ACTR3C: variants seen among roughly 807,000 people sequenced by gnomAD.
The protein encoded by ACTR3C is actin-related protein 3C.
ACTR3C carries 18 observed loss-of-function variants against 26.3 expected under a neutral mutation model. The observed-to-expected ratio is 0.68, with a 90% confidence interval of 0.47 to 1.01. The LOEUF (loss-of-function observed/expected upper bound fraction) is 1.01, where lower values mean the gene tolerates loss of function less well. ACTR3C is among the 50% of genes least tolerant of loss of function. ACTR3C has a pLI of 0.00. For synonymous variants in ACTR3C, 55 were observed against 94.5 expected (o/e 0.58, Z 2.42); for missense variants, 184 against 250.7 (o/e 0.73, Z 1.80).
the ACTR3C span, among the ~76,000 whole-genome samples, chr7:150,179,649 T>A: frequency 6.6e-6 from 1 of 150,746 alleles, no homozygotes; most frequent in Non-Finnish European, 1.5e-5. Flanking sequence ...CACACATGGC[T>A]ACAATTTTAT....
At chr7:150,136,823 G>A in the ACTR3C span, among the ~76,000 whole-genome samples, 2 of 152,168 alleles carry the variant, frequency 1.3e-5, no homozygotes, top group African/African-American at 4.8e-5. Context: ...ACCAGGCCTC[G>A]TGCACTGTGC....
At chr7:150,034,426 C>G in the ACTR3C span, among the ~76,000 whole-genome samples, 1 of 151,496 alleles carries the variant, frequency 6.6e-6, no homozygotes, top group Non-Finnish European at 1.5e-5. Flanking sequence ...TCTTGTAACT[C>G]ATGAAAAACT....
intron 6 of ACTR3C, among the ~76,000 whole-genome samples, chr7:150,255,193 G>A (rs7807767): frequency 0.02 from 2,996 of 150,446 alleles, 107 homozygotes; most frequent in African/African-American, 0.069. Flanking sequence ...TTGCTGGGGC[G>A]AAGATGCTTC....
chr7:149,958,852 A>G, the ACTR3C span, among the ~76,000 whole-genome samples: 2 of 152,218 alleles, frequency 1.3e-5, no homozygotes, highest in African/African-American at 2.4e-5. Flanking sequence ...TCTTAGGAAC[A>G]CTGGTCTATG....
the ACTR3C span, among the ~76,000 whole-genome samples, chr7:150,233,474 T>G: frequency 1.3e-5 from 2 of 149,802 alleles, no homozygotes; most frequent in Non-Finnish European, 3.0e-5. Context: ...ACAGTGTTAC[T>G]TCAAATATTT....
At chr7:150,132,424 A>G in the ACTR3C span, among the ~76,000 whole-genome samples, 141 of 152,318 alleles carry the variant, frequency 9.3e-4, no homozygotes, top group African/African-American at 3.2e-3. Context: ...GCAAATAACC[A>G]CATTAAAAAG....
chr7:150,047,558 C>T, the ACTR3C span: 7 of 981,256 alleles, frequency 7.1e-6, no homozygotes, highest in East Asian at 7.6e-5. Context: ...TCTCGCTGCG[C>T]GCTCAGCCCG....
chr7:150,155,019 G>T, the ACTR3C span, among the ~76,000 whole-genome samples: 1 of 152,152 alleles, frequency 6.6e-6, no homozygotes. Flanking sequence ...GGCCTAAGAA[G>T]AATCGACCTG....
the ACTR3C span, among the ~76,000 whole-genome samples, chr7:150,033,290 T>G: frequency 6.6e-6 from 1 of 152,170 alleles, no homozygotes; most frequent in African/African-American, 2.4e-5. Flanking sequence ...TCAAACCAAT[T>G]ATCTCTTCCT....
chr7:150,264,266 C>G (rs964545864), intron 6 of ACTR3C, among the ~76,000 whole-genome samples: 50 of 152,372 alleles, frequency 3.3e-4, no homozygotes, highest in African/African-American at 1.1e-3. Flanking sequence ...AAGTGTCCAG[C>G]TCAGCACGGA....
the ACTR3C span, among the ~76,000 whole-genome samples, chr7:149,999,156 G>A: frequency 5.1e-3 from 765 of 150,754 alleles, 31 homozygotes; most frequent in Non-Finnish European, 5.9e-3. Context: ...ACAAATGTGC[G>A]TAGTTTTAAG....
At chr7:150,149,741 C>T in the ACTR3C span, among the ~76,000 whole-genome samples, 1 of 152,080 alleles carries the variant, frequency 6.6e-6, no homozygotes, top group Admixed American at 6.5e-5. Context: ...AAATGCAATA[C>T]AGTGACTTTT....
At chr7:149,912,247 C>T in the ACTR3C span, among the ~76,000 whole-genome samples, 1 of 151,726 alleles carries the variant, frequency 6.6e-6, no homozygotes, top group African/African-American at 2.4e-5. Flanking sequence ...AACTATGGCC[C>T]ACAGCAGGAA....
chr7:149,983,378 C>G, the ACTR3C span, among the ~76,000 whole-genome samples: 1 of 145,546 alleles, frequency 6.9e-6, no homozygotes, highest in Admixed American at 6.9e-5. Flanking sequence ...GGTATCACCT[C>G]ACACCTATTA....
At chr7:149,900,377 A>G in the ACTR3C span, among the ~76,000 whole-genome samples, 12 of 151,938 alleles carry the variant, frequency 7.9e-5, no homozygotes, top group Non-Finnish European at 1.5e-4. Flanking sequence ...GGGTTTCACC[A>G]TGTTGGCCAG....
chr7:150,267,286 C>T (rs372535129), intron 6 of ACTR3C, among the ~76,000 whole-genome samples: 27 of 152,362 alleles, frequency 1.8e-4, no homozygotes, highest in African/African-American at 5.8e-4. Flanking sequence ...TACCCGTGGT[C>T]AGCCACAGTC....
At chr7:150,231,711 C>G in the ACTR3C span, among the ~76,000 whole-genome samples, 1 of 151,758 alleles carries the variant, frequency 6.6e-6, no homozygotes, top group Non-Finnish European at 1.5e-5. Context: ...TAGTTTAATT[C>G]CACTGTGACC....
chr7:150,222,706 G>A, the ACTR3C span, among the ~76,000 whole-genome samples: 6 of 152,282 alleles, frequency 3.9e-5, no homozygotes, highest in Admixed American at 2.6e-4. Flanking sequence ...TCACCCTCGC[G>A]TTAGGAAAGA....
At chr7:150,080,458 CAAAT>C in the ACTR3C span, among the ~76,000 whole-genome samples, 5 of 150,930 alleles carry the variant, frequency 3.3e-5, no homozygotes, top group Non-Finnish European at 7.4e-5. Flanking sequence ...AGAATGTAAA[CAAAT>C]AAAACCCAAA....
Sources: gnomAD v4.1 joint callset for allele counts (sites outside exome capture counted in the v4.1 genomes callset) on GRCh38, gnomAD v4.1.1 for gene constraint, MANE v1.5 for transcripts, NCBI Gene and HGNC (gene_info 2026-07-23, HGNC 2026-07-21) for gene names.